The following SEMA7A variants were observed in gnomAD, a reference collection of about 807,000 sequenced individuals.
SEMA7A encodes the protein semaphorin 7A (JohnMiltonHagen blood group).
Under a neutral mutation model 67.5 loss-of-function variants are expected in SEMA7A, and 21 were observed. The observed-to-expected ratio is 0.31, with a 90% CI of 0.22 to 0.45. The LOEUF (loss-of-function observed/expected upper bound fraction) is 0.45. SEMA7A is among the 20% of genes least tolerant of loss of function. SEMA7A has a pLI of 1.00. For missense variants in SEMA7A, 774 were observed against 908.6 expected (o/e 0.85, Z 1.90); for synonymous variants, 364 against 368.5 (o/e 0.99, Z 0.14).
rs148639539 is a variant in SEMA7A, at chr15:74,422,323, C to A, written c.179-3371G>T. ...GCACCGTCTGGCACCGTGTCCCCCC[C>A]TCACTCCCCAGCCTGACGCATTAGT... On this transcript the variant is annotated intron_variant, in intron 1 of 13. Transcript: ENST00000261918. 8.2e-4 allele frequency among the ~76,000 whole-genome samples: 125 copies of A among 152,068 alleles called. 1 individual carries two copies. Among genetic ancestry groups the A allele is most frequent in the Middle Eastern group, 3.4e-3 (1 of 294 alleles).
chr15:74,412,125 C>G, intron 10 of SEMA7A, 113 bp from the exon 11 acceptor site: 1 of 1,312,502 alleles, frequency 7.6e-7, no homozygotes, highest in South Asian at 1.3e-5. Flanking sequence ...GGTCACAGGA[C>G]TGGTGTGGGC....
chr15:74,415,346 A>G (rs2060939249), intron 8 of SEMA7A, among the ~76,000 whole-genome samples: 1 of 151,812 alleles, frequency 6.6e-6, no homozygotes, highest in African/African-American at 2.4e-5. Flanking sequence ...GGCTTCCTCC[A>G]CTCTATCCCT....
chr15:74,413,554 T>C (rs1343293365), intron 10 of SEMA7A, among the ~76,000 whole-genome samples: 1 of 152,094 alleles, frequency 6.6e-6, no homozygotes, highest in Non-Finnish European at 1.5e-5. Context: ...TGCCCTGCCA[T>C]CCCTGGCTGA....
At chr15:74,416,120 CG>C (rs747845275) in intron 7 of SEMA7A, 135 bp from the exon 8 acceptor site, 6 of 878,388 alleles carry the variant, frequency 6.8e-6, no homozygotes, top group Non-Finnish European at 1.0e-5. Context: ...CAGGACCTGC[CG>C]GGGGTGCCCC....
intron 1 of SEMA7A, among the ~76,000 whole-genome samples, chr15:74,425,709 T>A (rs1322152719): frequency 6.6e-6 from 1 of 152,224 alleles, no homozygotes; most frequent in East Asian, 1.9e-4. Flanking sequence ...TTTCTCACAC[T>A]AGAAGCAGGG....
chr15:74,421,854 G>A (rs1424607580), intron 1 of SEMA7A, among the ~76,000 whole-genome samples: 4 of 152,204 alleles, frequency 2.6e-5, no homozygotes, highest in Non-Finnish European at 5.9e-5. Flanking sequence ...CAGGGGCTGA[G>A]CAAGGCCAGG....
At position 74,423,506 on chromosome 15, in the gene SEMA7A, C is replaced by T. The variant is rs1347600005; in HGVS notation, c.179-4554G>A. Among the ~76,000 whole-genome samples the T allele has an allele frequency of 6.6e-6, 1 of 152,142 alleles. No homozygotes were observed. Among genetic ancestry groups the T allele is most frequent in the African/African-American group, 2.4e-5 (1 of 41,414 alleles). ...CTTCTCTCCAGGATCACATCCTGGG[C>T]TTCCTGGAGAGCCTCTGATTTGCAA... On this transcript the variant is annotated intron_variant, in intron 1 of 13. Transcript: ENST00000261918. This position sits in a 1 kb window ranked among gnomAD's most constrained non-coding sequence, Gnocchi z 4.1.
Position 74,415,785 on chromosome 15 carries a change from G to A in SEMA7A, c.986+16C>T, listed in dbSNP as rs1460293744. ...GAACCAATGCCAGCCCCGGCCCCAG[G>A]ACAAGGGCCACTCACCAGGGGTTGG... On this transcript the variant is annotated intron_variant, in intron 8 of 13. Transcript: ENST00000261918. 7 of 1,605,766 alleles carry A rather than the reference G, an allele frequency of 4.4e-6. No individual in the cohort carries two copies. The highest frequency in any genetic ancestry group is 1.3e-5 in the African/African-American group (1 of 74,946).
chr15:74,430,962 G>A (rs2061083486), intron 1 of SEMA7A, among the ~76,000 whole-genome samples: 1 of 152,232 alleles, frequency 6.6e-6, no homozygotes, highest in African/African-American at 2.4e-5. Context: ...GGCAGGTTGA[G>A]ACTGGGGATA....
Position 74,415,958 on chromosome 15 carries a change from A to C in SEMA7A, c.829T>G (p.Ser277Ala). 1 of 1,614,094 alleles carries C rather than the reference A, an allele frequency of 6.2e-7. No individual in the cohort carries two copies. Among genetic ancestry groups the C allele is most frequent in the South Asian group, 1.1e-5 (1 of 91,080 alleles). Reference protein sequence around the residue: ...RGDQGGESSLSVSKWNTFLKA... With the variant: ...RGDQGGESSLAVSKWNTFLKA... Reference sequence around the variant, plus strand: ...AGAAAAGTGTTCCACTTGGAGACTGACAGTGAACTTTCCCCACCCTGGTCC... The same window carrying C: ...AGAAAAGTGTTCCACTTGGAGACTGCCAGTGAACTTTCCCCACCCTGGTCC... The change falls in exon 8 of 14, where the codon TCA (serine) becomes GCA (alanine). Residue 277 changes from serine to alanine, a missense_variant. Physicochemically the swap from Ser to Ala is moderately conservative, Grantham distance 99 (BLOSUM62 1). Coordinates refer to ENST00000261918, the MANE Select transcript of SEMA7A (RefSeq NM_003612.5).
rs964151312 is a variant in SEMA7A, at chr15:74,414,359, C to T, written c.1294+188G>A. Reference sequence around the variant, plus strand: ...TCCCATCCCCCTTTCCCTCTTGCCCCTACCTCCTCCAGGAAGCTCTCCCTG... The same window carrying T: ...TCCCATCCCCCTTTCCCTCTTGCCCTTACCTCCTCCAGGAAGCTCTCCCTG... On this transcript the variant is annotated intron_variant, in intron 10 of 13. Coordinates refer to ENST00000261918, the MANE Select transcript of SEMA7A (RefSeq NM_003612.5). The surrounding 1 kb of genome is among the most constrained non-coding windows in gnomAD (Gnocchi z 4.1). 6.6e-6 allele frequency among the ~76,000 whole-genome samples: 1 copy of T among 152,218 alleles called. No homozygotes were observed. Among genetic ancestry groups the T allele is most frequent in the Non-Finnish European group, 1.5e-5 (1 of 68,040 alleles).
chr15:74,418,431 G>T, intron 2 of SEMA7A, 122 bp from the exon 3 acceptor site: 1 of 942,134 alleles, frequency 1.1e-6, no homozygotes, highest in Non-Finnish European at 1.6e-6. Context: ...TGACAGATGA[G>T]CAACTGGGGC....
Position 74,418,789 on chromosome 15 carries a change from A to G in SEMA7A, c.330+12T>C, listed in dbSNP as rs1405110465. ...AGGGTAGGGGGGGTGTTGGGGGAAG[A>G]GAGAGGCTCACCGTGCGCACAGATG... On this transcript the variant is annotated intron_variant, in intron 2 of 13. Coordinates refer to ENST00000261918, the MANE Select transcript of SEMA7A (RefSeq NM_003612.5). 1 of 1,612,450 alleles carries G rather than the reference A, an allele frequency of 6.2e-7. No individual in the cohort carries two copies. Among genetic ancestry groups the G allele is most frequent in the African/African-American group, 1.3e-5 (1 of 75,016 alleles).
In SEMA7A at chr15:74,433,854, G is replaced by C; in HGVS notation, c.65C>G (p.Pro22Arg). ...CCGCAGCGGAAGCCCCAACCGAGCC[G>C]GCGGGCCAGGGACGCGGGCGCGCGG... The part of the protein sequence containing the change: ...SAPRARVPGP[P>R]ARLGLPLRLR... Residue 22 changes from proline (P) to arginine (R), a missense_variant, in exon 1 of 14, where the codon CCG (proline) becomes CGG (arginine). Physicochemically the swap from Pro to Arg is moderately radical, Grantham distance 103. Coordinates refer to ENST00000261918, the MANE Select transcript of SEMA7A (RefSeq NM_003612.5). 2.3e-6 allele frequency: 3 copies of C among 1,314,708 alleles called. No homozygotes were observed. Among genetic ancestry groups the C allele is most frequent in the Non-Finnish European group, 2.9e-6 (3 of 1,039,034 alleles). 81.4% of individuals were successfully genotyped at this position (1,314,708 alleles called of 1,614,324 possible).
Position 74,411,853 on chromosome 15 carries a change from T to G in SEMA7A, c.1422+32A>C. The stretch of plus-strand genomic sequence containing the variant: ...CCTGTCCTCAGCTGCAGTCACTGCA[T>G]AGCCCATGGGACGCAGTGGGGGAAG... On this transcript the variant is annotated intron_variant, in intron 11 of 13. Coordinates refer to ENST00000261918, the MANE Select transcript of SEMA7A (RefSeq NM_003612.5). The surrounding 1 kb of genome is among the most constrained non-coding windows in gnomAD (Gnocchi z 4.4). 2 of 1,612,684 alleles carry G rather than the reference T, an allele frequency of 1.2e-6. No individual in the cohort carries two copies. The highest frequency in any genetic ancestry group is 1.7e-6 in the Non-Finnish European group (2 of 1,179,642).
intron 1 of SEMA7A, chr15:74,427,432 A>G: frequency 1.2e-5 from 12 of 973,324 alleles, no homozygotes; most frequent in Non-Finnish European, 1.5e-5. Flanking sequence ...AGGCTGGGCC[A>G]GAGCTCCTGC....
intron 7 of SEMA7A, 61 bp downstream of exon 7, chr15:74,416,513 AC>A: frequency 6.4e-7 from 1 of 1,558,348 alleles, no homozygotes; most frequent in African/African-American, 1.4e-5. Flanking sequence ...CACAGAACTC[AC>A]CCTCACTCAG....
At chr15:74,418,686 G>A (rs2060973496) in intron 2 of SEMA7A, 115 bp downstream of exon 2, 2 of 1,147,300 alleles carry the variant, frequency 1.7e-6, no homozygotes, top group Non-Finnish European at 2.5e-6. Flanking sequence ...AGGATACGGA[G>A]GTGGGGGCAG....
intron 1 of SEMA7A, among the ~76,000 whole-genome samples, chr15:74,430,098 A>G (rs956416504): frequency 6.6e-6 from 1 of 152,128 alleles, no homozygotes; most frequent in African/African-American, 2.4e-5. Flanking sequence ...CAGATCCCCA[A>G]GCTCATCCCC....
Sources: gnomAD v4.1 joint callset for allele counts (sites outside exome capture counted in the v4.1 genomes callset) on GRCh38, gnomAD v4.1.1 for gene constraint, Gnocchi (gnomAD v3.1) non-coding constraint, MANE v1.5 for transcripts, NCBI Gene and HGNC (gene_info 2026-07-23, HGNC 2026-07-21) for gene names.